Variants in TBC1D22A observed in about 807,000 individuals in gnomAD.
TBC1D22A encodes TBC1 domain family member 22A, also known as putative GTPase activator.
Under a neutral mutation model 60.2 loss-of-function variants are expected in TBC1D22A, and 38 were observed. The ratio of observed to expected loss-of-function variants is 0.63; its 90% CI spans 0.49 to 0.83. The LOEUF is 0.83. Among genes scored for constraint, TBC1D22A ranks in the 40% least tolerant of loss-of-function variants. TBC1D22A has a pLI of 0.00. For missense variants in TBC1D22A, 628 were observed against 701.0 expected, an observed-to-expected ratio of 0.90 and a Z score of 1.18; for synonymous variants, 302 against 281.7, an observed-to-expected ratio of 1.07 and a Z score of -0.72.
At chr22:47,136,087 G>T (rs145524531) in intron 12 of TBC1D22A, among the ~76,000 whole-genome samples, 1 of 152,222 alleles carries the variant, frequency 6.6e-6, no homozygotes, top group East Asian at 1.9e-4. Flanking sequence ...AGAACCTCAC[G>T]TACGGAGGGA....
At chr22:46,877,773 A>G (rs1419732586) in intron 4 of TBC1D22A, among the ~76,000 whole-genome samples, 2 of 152,250 alleles carry the variant, frequency 1.3e-5, no homozygotes, top group African/African-American at 4.8e-5. Flanking sequence ...CCTAACTTAA[A>G]GGAAAGAAAT....
chr22:47,029,541 C>T (rs981469680), intron 10 of TBC1D22A, among the ~76,000 whole-genome samples: 1 of 152,204 alleles, frequency 6.6e-6, no homozygotes, highest in African/African-American at 2.4e-5. Flanking sequence ...ACTCTACAAC[C>T]TGAGGCCTTA....
rs6007983 is a variant in TBC1D22A, at chr22:46,885,689, C to G, written c.709-5577C>G. ...ACTCAGGTCTGGCTGTCACTGCCCC[C>G]CCTTGTAATTTTATGCCTTCCCATC... On this transcript the variant is annotated intron_variant, in intron 5 of 12. Transcript: ENST00000337137. Among the ~76,000 whole-genome samples the G allele has an allele frequency of 8.6e-3, 1,309 of 152,152 alleles. 27 individuals are homozygous for G. Among genetic ancestry groups the G allele is most frequent in the African/African-American group, 0.03 (1,235 of 41,496 alleles).
chr22:46,895,020 T>A (rs1001310021), intron 7 of TBC1D22A, among the ~76,000 whole-genome samples, 174 bp downstream of exon 7: 2 of 152,202 alleles, frequency 1.3e-5, no homozygotes, highest in African/African-American at 4.8e-5. Context: ...TTCTATTTGT[T>A]CTTTAAATAT....
intron 2 of TBC1D22A, chr22:46,792,888 C>G (rs547104641): frequency 1.1e-5 from 15 of 1,420,712 alleles, no homozygotes; most frequent in East Asian, 5.0e-5. Context: ...CTGGCTTGTC[C>G]TTTCCCCTCC....
At chr22:46,787,909 G>A (rs998532086) in intron 1 of TBC1D22A, among the ~76,000 whole-genome samples, 1 of 151,694 alleles carries the variant, frequency 6.6e-6, no homozygotes, top group Non-Finnish European at 1.5e-5. Flanking sequence ...GCCTGCCAGG[G>A]GTAGGTGACT....
chr22:46,862,456 C>G (rs6007975), intron 4 of TBC1D22A, among the ~76,000 whole-genome samples: 60,664 of 151,622 alleles, frequency 0.4, 12,128 homozygotes, highest in Non-Finnish European at 0.41. Flanking sequence ...CCTCTTGCTT[C>G]TGTTCTCAGG....
At chr22:47,169,560 TCACAGACCC>T (rs2068351257) in intron 12 of TBC1D22A, among the ~76,000 whole-genome samples, 1 of 152,122 alleles carries the variant, frequency 6.6e-6, no homozygotes, top group Non-Finnish European at 1.5e-5. Context: ...CCCTCACTGA[TCACAGACCC>T]CACAGCCTTT....
chr22:47,157,705 G>T (rs1342757077), intron 12 of TBC1D22A, among the ~76,000 whole-genome samples: 2 of 152,216 alleles, frequency 1.3e-5, no homozygotes, highest in Non-Finnish European at 2.9e-5. Flanking sequence ...GAGTCTGCTG[G>T]TGAGGCGGTG....
rs1342149999 is a variant in TBC1D22A at position 47,175,042 on chromosome 22, CCTCAGGAGCAGCCGTGTCCT to C, written c.*1420_*1439del. On this transcript the variant is annotated 3_prime_UTR_variant, in exon 13 of 13. Coordinates refer to ENST00000337137, the MANE Select transcript of TBC1D22A (RefSeq NM_014346.5). The stretch of plus-strand genomic sequence containing the variant: ...CTGACTTCCCAGACTCTCCTCTGTC[CCTCAGGAGCAGCCGTGTCCT>C]CTCCCAGGCCCTAGGACACTGCCAG... The C allele has an allele frequency of 6.6e-6, 1 of 152,340 alleles. No homozygotes were observed. Among genetic ancestry groups the C allele is most frequent in the Non-Finnish European group, 1.5e-5 (1 of 68,140 alleles). The allele number at this position is 152,340 out of a possible 1,614,324, so 9.4% of individuals were successfully genotyped here.
At chr22:47,049,459 C>G (rs551039838) in intron 11 of TBC1D22A, among the ~76,000 whole-genome samples, 3 of 152,202 alleles carry the variant, frequency 2.0e-5, no homozygotes, top group African/African-American at 7.2e-5. Context: ...TCCTTCACTT[C>G]CTGTTTTCTA....
At chr22:46,974,581 G>A (rs1341471663) in intron 9 of TBC1D22A, among the ~76,000 whole-genome samples, 182 bp downstream of exon 9, 1 of 152,218 alleles carries the variant, frequency 6.6e-6, no homozygotes, top group Non-Finnish European at 1.5e-5. Context: ...CACAGTGTAT[G>A]TGCCCCTCGT....
intron 3 of TBC1D22A, among the ~76,000 whole-genome samples, 158 bp from the exon 4 acceptor site, chr22:46,797,286 C>G (rs1428674908): frequency 6.6e-6 from 1 of 152,188 alleles, no homozygotes; most frequent in Non-Finnish European, 1.5e-5. Flanking sequence ...TCAAAGGTGT[C>G]AGTTCCATGT....
At position 47,167,333 on chromosome 22, in the gene TBC1D22A, CT is replaced by C. The variant is rs201429830; in HGVS notation, c.1426-6162del. Among the ~76,000 whole-genome samples, 49 of 152,336 alleles carry C rather than the reference CT, an allele frequency of 3.2e-4. No individual in the cohort carries two copies. The East Asian group carries it at 9.3e-3, about 29-fold the overall frequency. ...AGCCATTCAAGCATTGCCGAAGGCA[CT>C]TTGCACACATTCAACAACCTAATAA... On this transcript the variant is annotated intron_variant, in intron 12 of 12. Coordinates refer to ENST00000337137, the MANE Select transcript of TBC1D22A (RefSeq NM_014346.5).
intron 8 of TBC1D22A, among the ~76,000 whole-genome samples, chr22:46,953,642 G>A (rs929135190): frequency 2.6e-5 from 4 of 151,962 alleles, no homozygotes; most frequent in African/African-American, 9.7e-5. Context: ...CAGAATCCTG[G>A]GTTACCAGTT....
In TBC1D22A at chr22:47,174,685, TGCCCTGGACCACTC is replaced by T. The variant is rs2068618232; in HGVS notation, c.*1060_*1073del. On this transcript the variant is annotated 3_prime_UTR_variant, in exon 13 of 13. Coordinates refer to ENST00000337137, the MANE Select transcript of TBC1D22A (RefSeq NM_014346.5). ...GACCGGTTCCGCCATGGACCACTCCTGCCCTGGACCACTCCTGCCCTGGACCGGTTCTGCCGTGG... is the reference window on the plus strand; with the variant it reads ...GACCGGTTCCGCCATGGACCACTCCTCTGCCCTGGACCGGTTCTGCCGTGG... 9.9e-6 allele frequency: 1 copy of T among 100,788 alleles called. No homozygotes were observed. Among genetic ancestry groups the T allele is most frequent in the African/African-American group, 2.9e-5 (1 of 34,206 alleles). 6.2% of individuals were successfully genotyped at this position (100,788 alleles called of 1,614,324 possible).
intron 12 of TBC1D22A, among the ~76,000 whole-genome samples, chr22:47,123,510 G>C (rs6007606): frequency 0.067 from 10,170 of 152,268 alleles, 1,132 homozygotes; most frequent in African/African-American, 0.23. Context: ...CTCACACCCA[G>C]GACCCATTTA....
chr22:46,944,457 G>A (rs2147969030), intron 8 of TBC1D22A, among the ~76,000 whole-genome samples: 1 of 152,252 alleles, frequency 6.6e-6, no homozygotes, highest in East Asian at 1.9e-4. Flanking sequence ...GGAGTGCAGT[G>A]GCGCAATCTT....
intron 1 of TBC1D22A, among the ~76,000 whole-genome samples, chr22:46,774,686 G>C (rs1377912792): frequency 6.6e-6 from 1 of 152,208 alleles, no homozygotes; most frequent in Non-Finnish European, 1.5e-5. Flanking sequence ...GCTCCTAGGG[G>C]AACGGGTTCA....
Sources: allele counts gnomAD v4.1 joint callset (sites outside exome capture counted in the v4.1 genomes callset), GRCh38; gene constraint gnomAD v4.1.1; transcripts MANE v1.5; gene names NCBI Gene and HGNC (gene_info 2026-07-23, HGNC 2026-07-21).